The following NAALADL2 variants were observed in gnomAD, a reference collection of about 807,000 sequenced individuals.
NAALADL2 encodes the protein N-acetylated alpha-linked acidic dipeptidase like 2, also known as inactive N-acetylated-alpha-linked acidic dipeptidase-like protein 2.
NAALADL2 carries 76 observed loss-of-function variants against 87.2 expected under a neutral mutation model. The observed-to-expected ratio is 0.87, with a 90% CI of 0.72 to 1.05. The LOEUF (loss-of-function observed/expected upper bound fraction) is 1.05, where lower values mean the gene tolerates loss of function less well. Ranked by LOEUF, NAALADL2 falls within the 50% of genes least tolerant of loss-of-function variation. The pLI is 0.00. For missense variants in NAALADL2, 1,089 were observed against 945.8 expected, an observed-to-expected ratio of 1.15 and a Z score of -1.99; for synonymous variants, 354 against 331.0, an observed-to-expected ratio of 1.07 and a Z score of -0.75.
rs1730010129 is a variant in NAALADL2 at position 175,504,568 on chromosome 3, TC to T, written c.1653+32811del. On this transcript the variant is annotated intron_variant, in intron 9 of 13. Coordinates refer to ENST00000454872, the MANE Select transcript of NAALADL2 (RefSeq NM_207015.3). ...CTTTCTCTCTGTCTCTCTCTGTTTC[TC>T]TCTCTCTCTCTCTCTCTCTCTCTCT... Among the ~76,000 whole-genome samples the T allele has an allele frequency of 1.8e-3, 3 of 1,660 alleles. No homozygotes were observed. The East Asian group carries it at 0.06, about 33-fold the overall frequency. 1.1% of individuals were successfully genotyped at this position (1,660 alleles called of 152,430 possible).
chr3:175,786,061 G>A (rs944582301), intron 13 of NAALADL2, among the ~76,000 whole-genome samples: 2 of 152,112 alleles, frequency 1.3e-5, no homozygotes, highest in South Asian at 2.1e-4. Context: ...GGTTTCTGCC[G>A]AGAGATCCGC....
intron 2 of NAALADL2, among the ~76,000 whole-genome samples, chr3:174,676,932 ACC>A (rs1333922760): frequency 2.6e-5 from 4 of 151,844 alleles, no homozygotes; most frequent in Non-Finnish European, 5.9e-5. Flanking sequence ...TTTTTAAAAA[ACC>A]CTGGTATATA....
intron 10 of NAALADL2, among the ~76,000 whole-genome samples, chr3:175,611,363 G>A (rs544826309): frequency 1.3e-5 from 2 of 151,932 alleles, no homozygotes; most frequent in South Asian, 2.1e-4. Context: ...GTAAAATATT[G>A]GTCATAAATT....
At chr3:175,302,886 A>G (rs1249985810) in intron 4 of NAALADL2, among the ~76,000 whole-genome samples, 2 of 151,674 alleles carry the variant, frequency 1.3e-5, no homozygotes, top group African/African-American at 4.8e-5. Context: ...TTTCATAAAT[A>G]TTTGTGAGTA....
At chr3:175,334,390 C>T (rs1761763181) in intron 5 of NAALADL2, among the ~76,000 whole-genome samples, 1 of 152,152 alleles carries the variant, frequency 6.6e-6, no homozygotes, top group Non-Finnish European at 1.5e-5. Context: ...TAACTCCCCT[C>T]ACCAACAGTG....
At chr3:175,756,174 G>A (rs1005837780) in intron 13 of NAALADL2, among the ~76,000 whole-genome samples, 3 of 151,994 alleles carry the variant, frequency 2.0e-5, no homozygotes, top group East Asian at 1.9e-4. Context: ...AATAACAGAT[G>A]GAGAGAAAGC....
At chr3:175,779,319 A>AT (rs1187775379) in intron 13 of NAALADL2, among the ~76,000 whole-genome samples, 5 of 152,242 alleles carry the variant, frequency 3.3e-5, no homozygotes, top group African/African-American at 1.2e-4. Context: ...GGGGCAGTGT[A>AT]TTTTGATCTC....
chr3:175,489,018 A>C (rs1187431457), intron 9 of NAALADL2, among the ~76,000 whole-genome samples: 1 of 152,316 alleles, frequency 6.6e-6, no homozygotes, highest in Non-Finnish European at 1.5e-5. Flanking sequence ...ATTTCATCTT[A>C]ACATCCAGAA....
At chr3:174,888,251 G>T (rs921059787) in intron 1 of NAALADL2, among the ~76,000 whole-genome samples, 1 of 152,156 alleles carries the variant, frequency 6.6e-6, no homozygotes, top group Non-Finnish European at 1.5e-5. Context: ...AATAGGCAGT[G>T]GCCATACAAC....
intron 2 of NAALADL2, among the ~76,000 whole-genome samples, chr3:174,552,827 A>C (rs1451024672): frequency 6.7e-6 from 1 of 149,266 alleles, no homozygotes; most frequent in Non-Finnish European, 1.5e-5. Flanking sequence ...AAAAAAAATC[A>C]ATAATGTATG....
At chr3:175,133,611 A>G (rs1323398298) in intron 2 of NAALADL2, among the ~76,000 whole-genome samples, 1 of 152,174 alleles carries the variant, frequency 6.6e-6, no homozygotes. Context: ...AATCGCAGGC[A>G]CTCGGCAGGC....
chr3:175,244,915 T>C (rs1489882323), intron 3 of NAALADL2, among the ~76,000 whole-genome samples: 5 of 152,194 alleles, frequency 3.3e-5, no homozygotes, highest in African/African-American at 9.7e-5. Context: ...TTTGTTGTTG[T>C]TGTTGATCTC....
rs527487457 is a variant in NAALADL2 at position 174,613,409 on chromosome 3, G to A, written c.-115+62772G>A. On this transcript the variant is annotated intron_variant, in intron 2 of 3. Coordinates refer to the NAALADL2 transcript ENST00000434257. ...CAGCTGGGTTCACAGATGCTGTCCA[G>A]GAGTCAGGGACTAGAGTAAAAAAAC... Among the ~76,000 whole-genome samples, 4 of 151,106 alleles carry A rather than the reference G, an allele frequency of 2.6e-5. No homozygotes were observed. In the South Asian group the frequency reaches 6.3e-4, roughly 24 times the overall value.
At chr3:174,716,167 C>T (rs555355168) in intron 2 of NAALADL2, among the ~76,000 whole-genome samples, 4 of 152,206 alleles carry the variant, frequency 2.6e-5, no homozygotes, top group South Asian at 4.1e-4. Flanking sequence ...ATATCATCCT[C>T]TATTGGGAAA....
At chr3:174,986,756 A>G (rs181579127) in intron 1 of NAALADL2, among the ~76,000 whole-genome samples, 170 of 152,286 alleles carry the variant, frequency 1.1e-3, no homozygotes, top group African/African-American at 3.8e-3. Flanking sequence ...AATATTGGGT[A>G]GTAAATTACT....
At chr3:175,156,172 A>G (rs1165562074) in intron 2 of NAALADL2, among the ~76,000 whole-genome samples, 1 of 152,140 alleles carries the variant, frequency 6.6e-6, no homozygotes, top group Non-Finnish European at 1.5e-5. Context: ...AATGGTTGTG[A>G]GGGAGGAACA....
intron 5 of NAALADL2, among the ~76,000 whole-genome samples, chr3:175,422,082 T>C (rs1715802979): frequency 6.6e-6 from 1 of 152,138 alleles, no homozygotes; most frequent in African/African-American, 2.4e-5. Flanking sequence ...ACTTTTTATG[T>C]CTTTGAATCC....
At chr3:175,569,651 G>A (rs990963446) in intron 9 of NAALADL2, among the ~76,000 whole-genome samples, 11 of 151,982 alleles carry the variant, frequency 7.2e-5, no homozygotes, top group Non-Finnish European at 1.0e-4. Context: ...TCCTCATCAC[G>A]TAAGGATACC....
intron 1 of NAALADL2, among the ~76,000 whole-genome samples, chr3:174,531,132 A>C (rs1721199968): frequency 6.6e-6 from 1 of 151,904 alleles, no homozygotes; most frequent in African/African-American, 2.4e-5. Context: ...TGATACTGAC[A>C]TTTTCATTTA....
Sources: allele counts gnomAD v4.1 joint callset (sites outside exome capture counted in the v4.1 genomes callset), GRCh38; gene constraint gnomAD v4.1.1; transcripts MANE v1.5; gene names NCBI Gene and HGNC (gene_info 2026-07-23, HGNC 2026-07-21).